The following TMEM272 variants were observed in gnomAD, a reference collection of about 807,000 sequenced individuals.
TMEM272 encodes transmembrane protein 272.
A neutral mutation model predicts 3.7 loss-of-function variants in TMEM272; 8 were observed. That is an observed-to-expected ratio of 2.17 (90% CI 1.27 to 3.91). The LOEUF is 3.91. TMEM272 is among the 30% of genes most tolerant of loss of function. The pLI, the probability that TMEM272 is intolerant of heterozygous loss-of-function variation, is 0.00. For synonymous variants in TMEM272, 63 were observed against 39.8 expected (o/e 1.58, Z -2.20); for missense variants, 166 against 91.5 (o/e 1.81, Z -3.32).
chr13:51,836,825 GTGTTCCTAGGAAACCTAAAA>G (rs1956220397), intron 2 of TMEM272, among the ~76,000 whole-genome samples: 1 of 152,104 alleles, frequency 6.6e-6, no homozygotes, highest in African/African-American at 2.4e-5. Flanking sequence ...ACAGAAGCTG[GTGTTCCTAGGAAACCTAAAA>G]TGTTTTTGTC....
the TMEM272 span, among the ~76,000 whole-genome samples, chr13:51,883,890 C>T: frequency 6.6e-6 from 1 of 152,182 alleles, no homozygotes; most frequent in African/African-American, 2.4e-5. Context: ...CTTGATACAT[C>T]CATTCCTTTG....
the TMEM272 span, chr13:51,865,524 A>G: frequency 6.2e-7 from 1 of 1,614,222 alleles, no homozygotes; most frequent in Non-Finnish European, 8.5e-7. Flanking sequence ...CAGGAGGAAA[A>G]GGCTTTTCGC....
At chr13:51,825,047 AC>A (rs1232814786) in intron 3 of TMEM272, among the ~76,000 whole-genome samples, 1 of 152,194 alleles carries the variant, frequency 6.6e-6, no homozygotes, top group South Asian at 2.1e-4. Context: ...TCTGGAGAGT[AC>A]CCCCGACTTC....
At chr13:51,906,329 C>G in the TMEM272 span, among the ~76,000 whole-genome samples, 96 of 152,262 alleles carry the variant, frequency 6.3e-4, no homozygotes, top group Admixed American at 1.5e-3. Flanking sequence ...GCTCCCATAG[C>G]TCCACCCTTG....
the TMEM272 span, among the ~76,000 whole-genome samples, chr13:51,890,727 A>G: frequency 1.3e-5 from 2 of 152,184 alleles, no homozygotes; most frequent in Non-Finnish European, 2.9e-5. Flanking sequence ...GACCAGACCA[A>G]ACCAGAATGG....
chr13:51,823,026 G>C (rs1016050202), intron 3 of TMEM272, among the ~76,000 whole-genome samples: 1 of 152,226 alleles, frequency 6.6e-6, no homozygotes, highest in Non-Finnish European at 1.5e-5. Context: ...TGGGTAGCAA[G>C]GCAGTGTGAC....
the TMEM272 span, among the ~76,000 whole-genome samples, chr13:51,884,774 A>G: frequency 6.6e-6 from 1 of 152,142 alleles, no homozygotes; most frequent in Admixed American, 6.5e-5. Context: ...AATGGAGCCT[A>G]CCCCAAAAGG....
rs74538934 is a variant in TMEM272 at position 51,815,632 on chromosome 13, G to A, written c.*1119C>T. The A allele has an allele frequency of 0.013, 2,002 of 152,356 alleles. 20 individuals are homozygous for A. Among genetic ancestry groups the A allele is most frequent in the African/African-American group, 0.027 (1,115 of 41,576 alleles). 9.4% of individuals were successfully genotyped at this position (152,356 alleles called of 1,614,324 possible). ...GGTTAAGCAGGTGCCACGCACCCCTGGGCACTGCCCTAGAAACACTCATGA... is the reference window on the plus strand; with the variant it reads ...GGTTAAGCAGGTGCCACGCACCCCTAGGCACTGCCCTAGAAACACTCATGA... On this transcript the variant is annotated 3_prime_UTR_variant, in exon 5 of 5. Coordinates refer to ENST00000629372, the MANE Select transcript of TMEM272 (RefSeq NM_001351003.2).
the TMEM272 span, among the ~76,000 whole-genome samples, chr13:51,882,793 C>A: frequency 6.6e-6 from 1 of 151,316 alleles, no homozygotes; most frequent in African/African-American, 2.4e-5. Context: ...AAAATAAAGG[C>A]CAAAAAAATA....
At chr13:51,878,289 G>A in the TMEM272 span, among the ~76,000 whole-genome samples, 2 of 152,088 alleles carry the variant, frequency 1.3e-5, no homozygotes, top group Non-Finnish European at 1.5e-5. Context: ...AATTAGCCAG[G>A]CGTCGTGGCA....
At chr13:51,892,410 C>T in the TMEM272 span, among the ~76,000 whole-genome samples, 1 of 152,194 alleles carries the variant, frequency 6.6e-6, no homozygotes, top group Non-Finnish European at 1.5e-5. Flanking sequence ...ATAGGGGGCA[C>T]AGGTAGGCAA....
upstream of TMEM272, among the ~76,000 whole-genome samples, chr13:51,846,790 C>A (rs771123165): frequency 9.9e-5 from 15 of 151,760 alleles, no homozygotes; most frequent in Admixed American, 9.8e-4. Context: ...AATGTATGGG[C>A]TAATGTATGA....
At chr13:51,820,915 G>A (rs1956073017) in intron 4 of TMEM272, among the ~76,000 whole-genome samples, 1 of 152,170 alleles carries the variant, frequency 6.6e-6, no homozygotes, top group Non-Finnish European at 1.5e-5. Flanking sequence ...TTAGGAGATG[G>A]GGACATTTAA....
chr13:51,900,137 T>A, the TMEM272 span, among the ~76,000 whole-genome samples: 1 of 151,892 alleles, frequency 6.6e-6, no homozygotes, highest in Non-Finnish European at 1.5e-5. Flanking sequence ...AGAAAAAAAA[T>A]GTAAATCGGA....
At chr13:51,919,132 C>T in the TMEM272 span, among the ~76,000 whole-genome samples, 1 of 152,166 alleles carries the variant, frequency 6.6e-6, no homozygotes, top group Admixed American at 6.5e-5. Context: ...AGTGCCGAGG[C>T]CCAGGTGAAA....
At chr13:51,884,440 TAAC>T in the TMEM272 span, among the ~76,000 whole-genome samples, 655 of 152,354 alleles carry the variant, frequency 4.3e-3, 3 homozygotes, top group African/African-American at 0.015. Flanking sequence ...GTTAGTTTGA[TAAC>T]AACATGAACA....
rs1019038249 is a variant in TMEM272, at chr13:51,816,747, G to A, written c.*4C>T. On this transcript the variant is annotated 3_prime_UTR_variant, in exon 5 of 5. Coordinates refer to ENST00000629372, the MANE Select transcript of TMEM272 (RefSeq NM_001351003.2). ...CATACATGGTATGCTGGACAAGGCA[G>A]CTGTCAGTCTTCATCGGCAGCAAGT... 4 of 695,830 alleles carry A rather than the reference G, an allele frequency of 5.7e-6. No individual in the cohort carries two copies. Among genetic ancestry groups the A allele is most frequent in the Non-Finnish European group, 1.1e-5 (4 of 379,646 alleles). The allele number at this position is 695,830 out of a possible 1,614,324, so 43.1% of individuals were successfully genotyped here. A position where few individuals can be genotyped will look rare whatever the true frequency, so the allele number is the denominator to read the frequency against.
At chr13:51,909,660 T>A in the TMEM272 span, 2 of 1,528,868 alleles carry the variant, frequency 1.3e-6, no homozygotes, top group Non-Finnish European at 1.8e-6. Flanking sequence ...AGCATTTAAC[T>A]TAGCAGCATG....
chr13:51,860,458 G>C, the TMEM272 span, among the ~76,000 whole-genome samples: 1 of 151,888 alleles, frequency 6.6e-6, no homozygotes, highest in Non-Finnish European at 1.5e-5. Context: ...GGGCAACATG[G>C]AGAAACCTTA....
Sources: gnomAD v4.1 joint callset for allele counts (sites outside exome capture counted in the v4.1 genomes callset) on GRCh38, gnomAD v4.1.1 for gene constraint, MANE v1.5 for transcripts, NCBI Gene and HGNC (gene_info 2026-07-23, HGNC 2026-07-21) for gene names.